Variants in CDC14A observed in about 807,000 individuals in gnomAD.
CDC14A encodes the protein cell division cycle 14A, also known as dual specificity protein phosphatase CDC14A.
A neutral mutation model predicts 74.4 loss-of-function variants in CDC14A; 53 were observed. The ratio of observed to expected loss-of-function variants is 0.71; its 90% CI spans 0.57 to 0.89. CDC14A has a LOEUF of 0.89. CDC14A is among the 40% of genes least tolerant of loss of function. CDC14A has a pLI of 0.00. For synonymous variants in CDC14A, 247 were observed against 258.4 expected (o/e 0.96, Z 0.43); for missense variants, 646 against 713.7 (o/e 0.91, Z 1.08).
Position 100,439,999 on chromosome 1 carries a change from G to A in CDC14A, c.456+1G>A, listed in dbSNP as rs1664750290. On this transcript the variant is annotated splice_donor_variant, in intron 6 of 15. Transcript: ENST00000336454. LOFTEE classifies it high-confidence loss of function. The stretch of plus-strand genomic sequence containing the variant: ...CGACTGTTTGCAGGGAATCAGAAAG[G>A]TAATAACAATTCTCCTTGCTGTAGT... The A allele has an allele frequency of 6.2e-7, 1 of 1,609,284 alleles. No homozygotes were observed. Among genetic ancestry groups the A allele is most frequent in the Non-Finnish European group, 8.5e-7 (1 of 1,175,806 alleles).
chr1:100,439,166 C>T (rs2101122136), intron 5 of CDC14A, among the ~76,000 whole-genome samples: 1 of 152,316 alleles, frequency 6.6e-6, no homozygotes, highest in Non-Finnish European at 1.5e-5. Context: ...ACGGTAGGTT[C>T]CCACTCCTTT....
chr1:100,394,291 T>C (rs1658158730), intron 4 of CDC14A, among the ~76,000 whole-genome samples: 1 of 152,100 alleles, frequency 6.6e-6, no homozygotes, highest in Admixed American at 6.5e-5. Context: ...AATTTCATTT[T>C]ATTTTTGTAG....
intron 4 of CDC14A, among the ~76,000 whole-genome samples, chr1:100,404,661 T>A (rs1329993094): frequency 6.6e-6 from 1 of 152,022 alleles, no homozygotes; most frequent in African/African-American, 2.4e-5. Flanking sequence ...AAACCCCGTC[T>A]CTACTAAAAA....
upstream of CDC14A, chr1:100,351,929 TTAGC>T (rs967980617): frequency 1.3e-4 from 113 of 856,940 alleles, no homozygotes; most frequent in Middle Eastern, 1.2e-3. Context: ...GGCTGAAATG[TTAGC>T]TAGAGGCGAG....
At chr1:100,428,759 A>G (rs919192180) in intron 5 of CDC14A, among the ~76,000 whole-genome samples, 1 of 152,208 alleles carries the variant, frequency 6.6e-6, no homozygotes, top group African/African-American at 2.4e-5. Context: ...TTGAAAAGAT[A>G]ACCAATCTAA....
At chr1:100,408,797 T>A (rs1198609983) in intron 4 of CDC14A, among the ~76,000 whole-genome samples, 1 of 152,198 alleles carries the variant, frequency 6.6e-6, no homozygotes, top group East Asian at 1.9e-4. Flanking sequence ...TCAGAACGGA[T>A]CCAGGCAATC....
intron 10 of CDC14A, among the ~76,000 whole-genome samples, chr1:100,476,084 G>A (rs1169073301): frequency 6.6e-6 from 1 of 152,170 alleles, no homozygotes; most frequent in Non-Finnish European, 1.5e-5. Context: ...TTGTTGAAAT[G>A]TTTTGTTGTC....
chr1:100,515,076 C>T (rs1281907014), intron 15 of CDC14A, among the ~76,000 whole-genome samples: 3 of 152,120 alleles, frequency 2.0e-5, no homozygotes, highest in African/African-American at 7.2e-5. Flanking sequence ...TGCTTTGTTA[C>T]GATGTGTATT....
chr1:100,462,518 T>C, intron 8 of CDC14A, 133 bp from the exon 9 acceptor site: 1 of 688,828 alleles, frequency 1.5e-6, no homozygotes, highest in Non-Finnish European at 2.5e-6. Flanking sequence ...TGCTGTGACC[T>C]CTTCTCTCAC....
intron 15 of CDC14A, among the ~76,000 whole-genome samples, chr1:100,504,059 A>G (rs1198306774): frequency 6.6e-6 from 1 of 152,190 alleles, no homozygotes; most frequent in African/African-American, 2.4e-5. Flanking sequence ...TTGTGAGGGC[A>G]GGGATGGTGC....
rs1196714451 is a variant in CDC14A at position 100,518,602 on chromosome 1, A to G, written c.*322A>G. On this transcript the variant is annotated 3_prime_UTR_variant, in exon 16 of 16. Coordinates refer to ENST00000336454, the MANE Select transcript of CDC14A (RefSeq NM_003672.4). ...TTATTATATTTACATGTACAGTGTT[A>G]CATTATATATGTATTGTGAACTTTA... 5.5e-6 allele frequency: 1 copy of G among 181,894 alleles called. No individual in the cohort carries two copies. The allele number at this position is 181,894 out of a possible 1,614,324, so 11.3% of individuals were successfully genotyped here.
intron 5 of CDC14A, among the ~76,000 whole-genome samples, chr1:100,432,214 C>T (rs942686115): frequency 6.6e-6 from 1 of 152,190 alleles, no homozygotes; most frequent in Admixed American, 6.5e-5. Flanking sequence ...TACTAATTCT[C>T]AATACAGTTT....
intron 8 of CDC14A, among the ~76,000 whole-genome samples, chr1:100,461,624 C>T (rs1489045571): frequency 3.8e-4 from 58 of 152,186 alleles, no homozygotes; most frequent in Non-Finnish European, 2.9e-5. Flanking sequence ...GGCCAAAGCC[C>T]CCAGTGGTTG....
In CDC14A at chr1:100,507,753, T is replaced by A. The variant is rs1254700165; in HGVS notation, c.1755+8491T>A. ...ATCTCAGCTCACTGCAACCTCCACC[T>A]CCCAGGTTCTCCACCTCCCAGGTTC... On this transcript the variant is annotated intron_variant, in intron 15 of 15. Transcript: ENST00000336454. 5.3e-5 allele frequency among the ~76,000 whole-genome samples: 8 copies of A among 152,148 alleles called. No individual in the cohort carries two copies. In the East Asian group the frequency reaches 1.2e-3, roughly 22 times the overall value.
intron 10 of CDC14A, among the ~76,000 whole-genome samples, chr1:100,468,521 C>T (rs1052007052): frequency 1.3e-5 from 2 of 151,978 alleles, no homozygotes; most frequent in Non-Finnish European, 2.9e-5. Flanking sequence ...ACTAACTAAA[C>T]TGCTAATGTA....
chr1:100,377,517 C>G, intron 2 of CDC14A, 29 bp from the exon 3 acceptor site: 1 of 1,499,106 alleles, frequency 6.7e-7, no homozygotes, highest in Non-Finnish European at 9.2e-7. Flanking sequence ...TGACTAAATA[C>G]TACGTTTTTT....
At chr1:100,362,171 C>T (rs565978851) in intron 2 of CDC14A, among the ~76,000 whole-genome samples, 5 of 152,196 alleles carry the variant, frequency 3.3e-5, no homozygotes, top group South Asian at 2.1e-4. Flanking sequence ...GATCTTTAAG[C>T]GGAAAATAGA....
At chr1:100,420,061 C>CAATATATATATATATATATAT (rs1377818349) in intron 4 of CDC14A, among the ~76,000 whole-genome samples, 1 of 61,748 alleles carries the variant, frequency 1.6e-5, no homozygotes, top group African/African-American at 4.0e-5. Context: ...CACACACACA[C>CAATATATATATATATATATAT]ACATATATAT....
chr1:100,500,385 C>T (rs111568633), intron 15 of CDC14A, among the ~76,000 whole-genome samples: 43 of 152,198 alleles, frequency 2.8e-4, no homozygotes, highest in African/African-American at 9.2e-4. Flanking sequence ...CAGTGTGCTG[C>T]GTATGGCCCA....
Sources: gnomAD v4.1 joint callset for allele counts (sites outside exome capture counted in the v4.1 genomes callset) on GRCh38, gnomAD v4.1.1 for gene constraint, MANE v1.5 for transcripts, NCBI Gene and HGNC (gene_info 2026-07-23, HGNC 2026-07-21) for gene names.